SEMA6D: variants seen among roughly 807,000 people sequenced by gnomAD.
SEMA6D encodes semaphorin-6D.
A neutral mutation model predicts 106.6 loss-of-function variants in SEMA6D; 35 were observed. That is an observed-to-expected ratio of 0.33 (90% confidence interval 0.25 to 0.44). SEMA6D has a LOEUF of 0.44. Ranked by LOEUF, SEMA6D falls within the 20% of genes least tolerant of loss-of-function variation. The pLI is 1.00. For missense variants in SEMA6D, 1,185 were observed against 1,345.9 expected (o/e 0.88, Z 1.87); for synonymous variants, 499 against 487.7 (o/e 1.02, Z -0.31).
rs79941885 is a variant in SEMA6D at position 47,293,513 on chromosome 15, A to C, written c.-239+109095A>C. On this transcript the variant is annotated intron_variant, in intron 1 of 19. Coordinates refer to the SEMA6D transcript ENST00000558014. ...TAAAGGCTGGACTCTTGAGTCCAGG[A>C]CTAGCACAGCTGTCTGTACTCTGTG... Among the ~76,000 whole-genome samples the C allele has an allele frequency of 7.2e-5, 11 of 152,292 alleles. No individual in the cohort carries two copies. In the East Asian group the frequency reaches 2.1e-3, roughly 29 times the overall value.
intron 1 of SEMA6D, among the ~76,000 whole-genome samples, chr15:47,266,991 G>A (rs979897601): frequency 6.6e-6 from 1 of 152,086 alleles, no homozygotes; most frequent in African/African-American, 2.4e-5. Flanking sequence ...GCTGGTTTAT[G>A]GAGCTCCTCT....
chr15:47,450,488 A>T (rs1224512523), intron 2 of SEMA6D, among the ~76,000 whole-genome samples: 1 of 152,084 alleles, frequency 6.6e-6, no homozygotes, highest in African/African-American at 2.4e-5. Flanking sequence ...GTGTCTGTGA[A>T]GGCCTGACTT....
intron 1 of SEMA6D, among the ~76,000 whole-genome samples, chr15:47,242,624 AC>A (rs2032980935): frequency 6.6e-6 from 1 of 152,190 alleles, no homozygotes; most frequent in Non-Finnish European, 1.5e-5. Context: ...ATTGCATTAA[AC>A]TACAAACTAA....
intron 2 of SEMA6D, among the ~76,000 whole-genome samples, chr15:47,465,451 A>G (rs1475702287): frequency 6.6e-6 from 1 of 152,178 alleles, no homozygotes; most frequent in East Asian, 1.9e-4. Flanking sequence ...ATAACTTATA[A>G]AGGGGAAAGG....
intron 1 of SEMA6D, among the ~76,000 whole-genome samples, chr15:47,729,036 A>G (rs1162730939): frequency 3.3e-5 from 5 of 152,190 alleles, no homozygotes; most frequent in Non-Finnish European, 4.4e-5. Context: ...GGGTGTGGAC[A>G]TTATTCTTCC....
At chr15:47,537,416 A>G (rs2045204549) in intron 3 of SEMA6D, among the ~76,000 whole-genome samples, 1 of 152,212 alleles carries the variant, frequency 6.6e-6, no homozygotes, top group South Asian at 2.1e-4. Flanking sequence ...AGTGGGAAGC[A>G]GTGCCTCCCT....
chr15:47,534,915 A>G (rs975773721), intron 3 of SEMA6D, among the ~76,000 whole-genome samples: 1 of 152,112 alleles, frequency 6.6e-6, no homozygotes, highest in East Asian at 1.9e-4. Flanking sequence ...ACACTAGTCT[A>G]TGCATACCAA....
At chr15:47,337,794 T>C (rs532217963) in intron 1 of SEMA6D, among the ~76,000 whole-genome samples, 16 of 152,304 alleles carry the variant, frequency 1.1e-4, no homozygotes, top group Admixed American at 8.5e-4. Flanking sequence ...TCTGTCTTTA[T>C]GGTTGATCTG....
chr15:47,533,311 C>T (rs189511963), intron 3 of SEMA6D, among the ~76,000 whole-genome samples: 433 of 152,298 alleles, frequency 2.8e-3, no homozygotes, highest in African/African-American at 9.6e-3. Context: ...ATTGCAGCCT[C>T]TACTCTCTTC....
intron 4 of SEMA6D, among the ~76,000 whole-genome samples, chr15:47,614,520 T>C (rs990683015): frequency 2.0e-5 from 3 of 152,212 alleles, no homozygotes; most frequent in Non-Finnish European, 2.9e-5. Flanking sequence ...TCTAAAGTCA[T>C]TTGGATCCCA....
chr15:47,392,969 G>T (rs1457236466), intron 1 of SEMA6D, among the ~76,000 whole-genome samples: 2 of 152,184 alleles, frequency 1.3e-5, no homozygotes, highest in African/African-American at 2.4e-5. Flanking sequence ...CCTGCATGTG[G>T]CATATTGAGA....
chr15:47,400,455 C>T (rs1421173584), intron 1 of SEMA6D, among the ~76,000 whole-genome samples: 4 of 137,060 alleles, frequency 2.9e-5, no homozygotes, highest in Non-Finnish European at 4.6e-5. Flanking sequence ...TGCCACTGCT[C>T]TCCAGCCTGG....
intron 3 of SEMA6D, among the ~76,000 whole-genome samples, chr15:47,484,386 T>G (rs1335394356): frequency 6.6e-6 from 1 of 152,150 alleles, no homozygotes; most frequent in Non-Finnish European, 1.5e-5. Context: ...CTGTGTAGCA[T>G]TATTAAAATT....
At chr15:47,702,179 C>T (rs1471290735) in intron 4 of SEMA6D, among the ~76,000 whole-genome samples, 1 of 152,124 alleles carries the variant, frequency 6.6e-6, no homozygotes, top group Non-Finnish European at 1.5e-5. Context: ...ATGTCTCTTC[C>T]CCATTCCTTG....
chr15:47,629,500 G>A (rs2077259117), intron 4 of SEMA6D, among the ~76,000 whole-genome samples: 1 of 151,904 alleles, frequency 6.6e-6, no homozygotes, highest in Non-Finnish European at 1.5e-5. Flanking sequence ...TTTGTTACAT[G>A]CATAGAATGA....
intron 1 of SEMA6D, among the ~76,000 whole-genome samples, chr15:47,364,316 G>A (rs1399594234): frequency 6.6e-6 from 1 of 152,186 alleles, no homozygotes; most frequent in Non-Finnish European, 1.5e-5. Context: ...ATGAGCAGCA[G>A]GAGCTCAGCT....
At position 47,697,336 on chromosome 15, in the gene SEMA6D, C is replaced by T. The variant is rs145133374; in HGVS notation, c.-54-62409C>T. On this transcript the variant is annotated intron_variant, in intron 4 of 19. Coordinates refer to the SEMA6D transcript ENST00000558014. ...AGGAATTCTGGCGTTTAATAATTAT[C>T]GTGCTCTCCCAAACAGCAAGCCCTG... is the stretch of plus-strand genomic sequence containing the variant. Among the ~76,000 whole-genome samples, 1,015 of 152,210 alleles carry T rather than the reference C, an allele frequency of 6.7e-3. 7 individuals carry two copies. Among genetic ancestry groups the T allele is most frequent in the Middle Eastern group, 0.014 (4 of 294 alleles).
At chr15:47,367,668 GCACGCTCACA>G (rs901727896) in intron 1 of SEMA6D, among the ~76,000 whole-genome samples, 1 of 146,848 alleles carries the variant, frequency 6.8e-6, no homozygotes, top group Non-Finnish European at 1.5e-5. Context: ...CCCTAAACAC[GCACGCTCACA>G]CGCGCGCGCG....
intron 3 of SEMA6D, among the ~76,000 whole-genome samples, chr15:47,488,601 G>A (rs2043369177): frequency 6.6e-6 from 1 of 152,134 alleles, no homozygotes; most frequent in Non-Finnish European, 1.5e-5. Flanking sequence ...TAGGGCAATA[G>A]TAGGATGACT....
Sources: gnomAD v4.1 joint callset for allele counts (sites outside exome capture counted in the v4.1 genomes callset) on GRCh38, gnomAD v4.1.1 for gene constraint, MANE v1.5 for transcripts, NCBI Gene and HGNC (gene_info 2026-07-23, HGNC 2026-07-21) for gene names.